Variants in ZFP64 observed in about 807,000 individuals in gnomAD.
ZFP64 encodes zinc finger protein 64.
Under a neutral mutation model 51.6 loss-of-function variants are expected in ZFP64, and 14 were observed. That is an observed-to-expected ratio of 0.27 (90% confidence interval 0.18 to 0.42). The LOEUF (loss-of-function observed/expected upper bound fraction) is 0.42, where lower values mean the gene tolerates loss of function less well. Among genes scored for constraint, ZFP64 ranks in the 10% least tolerant of loss-of-function variants. ZFP64 has a pLI of 1.00. For missense variants in ZFP64, 754 were observed against 906.8 expected, an observed-to-expected ratio of 0.83 and a Z score of 2.16; for synonymous variants, 375 against 361.4, an observed-to-expected ratio of 1.04 and a Z score of -0.43.
intron 5 of ZFP64, among the ~76,000 whole-genome samples, chr20:52,129,445 C>G (rs1979615475): frequency 6.6e-6 from 1 of 152,020 alleles, no homozygotes; most frequent in Non-Finnish European, 1.5e-5. Context: ...AGGTGTGAGC[C>G]ACCGTACCCA....
rs62215775 is a variant in ZFP64, at chr20:52,181,738, G to C, written c.286+5094C>G. On this transcript the variant is annotated intron_variant, in intron 2 of 5. Coordinates refer to ENST00000216923, the MANE Select transcript of ZFP64 (RefSeq NM_018197.3). ...TTAAAAATACAGATACCTGAGCCTC[G>C]GCTCCAGACATTCAGATTCAGGAGG... 1.0e-3 allele frequency among the ~76,000 whole-genome samples: 156 copies of C among 152,118 alleles called. 2 individuals carry two copies. In the South Asian group the frequency reaches 0.028, roughly 27 times the overall value.
Position 52,153,488 on chromosome 20 carries a change from C to A in ZFP64, c.764-60G>T. The stretch of plus-strand genomic sequence containing the variant: ...CAGGCAACAACCACAGCGGATCCCC[C>A]CGAAGCACACACCAGAAAATCGCTT... On this transcript the variant is annotated intron_variant, in intron 5 of 5. Coordinates refer to ENST00000216923, the MANE Select transcript of ZFP64 (RefSeq NM_018197.3). The surrounding 1 kb of genome is among the most constrained non-coding windows in gnomAD (Gnocchi z 5.1). 1 of 1,545,126 alleles carries A rather than the reference C, an allele frequency of 6.5e-7. No homozygotes were observed. The highest frequency in any genetic ancestry group is 2.3e-5 in the East Asian group (1 of 43,884).
At chr20:52,188,203 GCAAT>G (rs1984109432) in intron 1 of ZFP64, among the ~76,000 whole-genome samples, 2 of 151,720 alleles carry the variant, frequency 1.3e-5, no homozygotes, top group African/African-American at 4.8e-5. Context: ...ATTCAACACT[GCAAT>G]CAATCAATTC....
In ZFP64 at chr20:52,122,543, G is replaced by A. The variant is rs536956351; in HGVS notation, c.764-23956C>T. ...AAAAAGAAATACATTTTATAAGACTGTAGCTGCCATAGACAGTGATTCCTT... is the reference window on the plus strand; with the variant it reads ...AAAAAGAAATACATTTTATAAGACTATAGCTGCCATAGACAGTGATTCCTT... On this transcript the variant is annotated intron_variant, in intron 5 of 8. Coordinates refer to the ZFP64 transcript ENST00000361387. Among the ~76,000 whole-genome samples the A allele has an allele frequency of 5.8e-4, 88 of 151,364 alleles. No individual in the cohort carries two copies. The Middle Eastern group carries it at 0.01, about 18-fold the overall frequency.
Position 52,135,472 on chromosome 20 carries a change from T to C in ZFP64, c.763+24651A>G, listed in dbSNP as rs185263598. 3.2e-4 allele frequency among the ~76,000 whole-genome samples: 49 copies of C among 152,256 alleles called. 1 individual carries two copies. The highest frequency in any genetic ancestry group is 3.2e-3 in the Admixed American group (49 of 15,302). On this transcript the variant is annotated intron_variant, in intron 5 of 8. Coordinates refer to the ZFP64 transcript ENST00000361387. ...AATTGGGAGTTTTGTACTATGGAAA[T>C]ACACAAAGATGCTTTTCTTTTCTTT... is the stretch of plus-strand genomic sequence containing the variant.
At chr20:52,126,424 G>C (rs1454195794) in intron 5 of ZFP64, among the ~76,000 whole-genome samples, 1 of 152,078 alleles carries the variant, frequency 6.6e-6, no homozygotes, top group African/African-American at 2.4e-5. Context: ...AGTTCTTCAT[G>C]GGCCTGTTTA....
chr20:52,122,825 C>G (rs1189847638), intron 5 of ZFP64, among the ~76,000 whole-genome samples: 2 of 152,124 alleles, frequency 1.3e-5, no homozygotes, highest in Non-Finnish European at 2.9e-5. Context: ...ATGATAAAAC[C>G]TCAACAGATG....
At chr20:52,144,810 TA>T (rs1980446185) in intron 5 of ZFP64, among the ~76,000 whole-genome samples, 1 of 151,906 alleles carries the variant, frequency 6.6e-6, no homozygotes, top group Non-Finnish European at 1.5e-5. Context: ...GATATTAAAA[TA>T]TTTTAAAAAG....
intron 5 of ZFP64, chr20:52,105,452 G>C: frequency 9.8e-7 from 1 of 1,016,588 alleles, no homozygotes; most frequent in South Asian, 5.2e-5. Context: ...CCGCTCCCGG[G>C]CAGCCCGCGC....
intron 5 of ZFP64, chr20:52,111,196 A>AT: frequency 3.8e-6 from 2 of 532,934 alleles, no homozygotes; most frequent in African/African-American, 2.3e-5. Context: ...GTCAGCGGTC[A>AT]ATTTTTTTTT....
intron 5 of ZFP64, among the ~76,000 whole-genome samples, chr20:52,158,779 T>C (rs1216842147): frequency 6.6e-6 from 1 of 152,204 alleles, no homozygotes; most frequent in Non-Finnish European, 1.5e-5. Context: ...CATGTAACAC[T>C]GTGATGACCT....
chr20:52,181,106 C>A (rs1459174516), intron 2 of ZFP64, among the ~76,000 whole-genome samples: 7 of 152,010 alleles, frequency 4.6e-5, no homozygotes, highest in Admixed American at 4.6e-4. Context: ...CCATGCCCGG[C>A]TAATTTTTGT....
chr20:52,165,628 C>T (rs953009753), intron 3 of ZFP64: 26 of 687,708 alleles, frequency 3.8e-5, no homozygotes, highest in African/African-American at 2.1e-4. Context: ...GAAATTTTCA[C>T]GAGTTCCACT....
At position 52,085,358 on chromosome 20, in the gene ZFP64, T is replaced by C; in HGVS notation, c.1229-92A>G. ...CTTAGCACACTTGGCCGCCATGAGA[T>C]GGTTGGGTTTTGTGAACTCTAAACC... On this transcript the variant is annotated intron_variant, in intron 8 of 8. Transcript: ENST00000361387. This position sits in a 1 kb window ranked among gnomAD's most constrained non-coding sequence, Gnocchi z 4.3. 7.3e-7 allele frequency: 1 copy of C among 1,379,234 alleles called. No individual in the cohort carries two copies. The highest frequency in any genetic ancestry group is 1.5e-5 in the South Asian group (1 of 68,634). 85.4% of individuals were successfully genotyped at this position (1,379,234 alleles called of 1,614,324 possible).
At chr20:52,121,060 A>G (rs1343147061) in intron 5 of ZFP64, among the ~76,000 whole-genome samples, 1 of 152,086 alleles carries the variant, frequency 6.6e-6, no homozygotes, top group African/African-American at 2.4e-5. Context: ...AACTTAATTG[A>G]CAAGTGTTGT....
At chr20:52,168,376 A>T (rs373823888) in intron 2 of ZFP64, among the ~76,000 whole-genome samples, 1 of 152,092 alleles carries the variant, frequency 6.6e-6, no homozygotes, top group African/African-American at 2.4e-5. Flanking sequence ...GGATCTGGCT[A>T]TTTCTCCTGG....
intron 7 of ZFP64, among the ~76,000 whole-genome samples, chr20:52,094,485 G>T (rs1178539284): frequency 6.6e-6 from 1 of 152,204 alleles, no homozygotes. Context: ...GGCTGGGGGG[G>T]AAGGGTGGCT....
At position 52,172,043 on chromosome 20, in the gene ZFP64, G is replaced by A. The variant is rs139315916; in HGVS notation, c.287-6018C>T. Among the ~76,000 whole-genome samples, 384 of 152,240 alleles carry A rather than the reference G, an allele frequency of 2.5e-3. 2 individuals are homozygous for A. The highest frequency in any genetic ancestry group is 4.2e-3 in the Non-Finnish European group (285 of 68,014). On this transcript the variant is annotated intron_variant, in intron 2 of 5. Transcript: ENST00000216923. ...ATTACAGGCGTGAGCCACCGCGCCCGACCAACTGGGTGTTTGTATGCAATT... is the reference window on the plus strand; with the variant it reads ...ATTACAGGCGTGAGCCACCGCGCCCAACCAACTGGGTGTTTGTATGCAATT...
intron 5 of ZFP64, among the ~76,000 whole-genome samples, chr20:52,107,408 A>T (rs1978334502): frequency 6.6e-6 from 1 of 152,096 alleles, no homozygotes; most frequent in African/African-American, 2.4e-5. Flanking sequence ...AGTACTAGGG[A>T]ACCTACTGCC....
Sources: gnomAD v4.1 joint callset for allele counts (sites outside exome capture counted in the v4.1 genomes callset) on GRCh38, gnomAD v4.1.1 for gene constraint, Gnocchi (gnomAD v3.1) non-coding constraint, MANE v1.5 for transcripts, NCBI Gene and HGNC (gene_info 2026-07-23, HGNC 2026-07-21) for gene names.